The following PDE3A variants were observed in gnomAD, a reference collection of about 807,000 sequenced individuals.
The protein encoded by PDE3A is phosphodiesterase 3A.
A neutral mutation model predicts 98.3 loss-of-function variants in PDE3A; 43 were observed. That is an observed-to-expected ratio of 0.44 (90% confidence interval 0.34 to 0.56). PDE3A has a LOEUF of 0.56. PDE3A is among the 20% of genes least tolerant of loss of function. PDE3A has a pLI of 0.01. For missense variants in PDE3A, 1,427 were observed against 1,440.7 expected (o/e 0.99, Z 0.15); for synonymous variants, 663 against 567.9 (o/e 1.17, Z -2.38).
At chr12:20,526,942 A>C (rs1387124078) in intron 1 of PDE3A, among the ~76,000 whole-genome samples, 3 of 140,358 alleles carry the variant, frequency 2.1e-5, no homozygotes, top group African/African-American at 8.0e-5. Flanking sequence ...GTTTGAGACC[A>C]AGTCTCACTC....
chr12:20,379,855 G>A (rs1443225335), intron 1 of PDE3A, among the ~76,000 whole-genome samples: 1 of 151,488 alleles, frequency 6.6e-6, no homozygotes, highest in South Asian at 2.1e-4. Context: ...GCCCTTACTG[G>A]TAGGAAATCC....
intron 1 of PDE3A, among the ~76,000 whole-genome samples, chr12:20,474,830 C>T (rs1034014942): frequency 2.0e-5 from 3 of 152,190 alleles, no homozygotes; most frequent in African/African-American, 7.2e-5. Flanking sequence ...ATCTCCCTAT[C>T]TCAAAATCCT....
intron 2 of PDE3A, among the ~76,000 whole-genome samples, chr12:20,564,135 C>T (rs183817648): frequency 1.6e-3 from 243 of 152,126 alleles, no homozygotes; most frequent in African/African-American, 5.7e-3. Context: ...TCTTTAACAA[C>T]TGAACCCACT....
At position 20,688,254 on chromosome 12, in the gene PDE3A, T is replaced by A. The variant is rs1056343252; in HGVS notation, c.*7983T>A. ...AATAAATCTTGTCCTTTCACCTATA[T>A]CTTCCATTTAATATATGTAGCAATA... On this transcript the variant is annotated 3_prime_UTR_variant, in exon 16 of 16. Coordinates refer to ENST00000359062, the MANE Select transcript of PDE3A (RefSeq NM_000921.5). 3.9e-5 allele frequency among the ~76,000 whole-genome samples: 6 copies of A among 151,992 alleles called. No individual in the cohort carries two copies. The highest frequency in any genetic ancestry group is 1.2e-4 in the African/African-American group (5 of 41,426).
chr12:20,515,185 C>T (rs577511906), intron 1 of PDE3A, among the ~76,000 whole-genome samples: 2 of 152,274 alleles, frequency 1.3e-5, no homozygotes, highest in Admixed American at 6.5e-5. Flanking sequence ...TTGAAGGGGA[C>T]AGATACTCAA....
At chr12:20,603,636 T>C (rs767413386) in intron 2 of PDE3A, among the ~76,000 whole-genome samples, 8 of 152,140 alleles carry the variant, frequency 5.3e-5, no homozygotes, top group Non-Finnish European at 1.0e-4. Context: ...ACTGGCCCAG[T>C]TCATGTAGGG....
intron 1 of PDE3A, among the ~76,000 whole-genome samples, chr12:20,448,752 G>GTTT (rs34848615): frequency 2.5e-4 from 34 of 138,558 alleles, no homozygotes; most frequent in Admixed American, 7.3e-4. Flanking sequence ...TTATTTTAAG[G>GTTT]TTTTTTTTTT....
intron 2 of PDE3A, among the ~76,000 whole-genome samples, chr12:20,576,822 G>GT (rs1942942409): frequency 6.6e-6 from 1 of 151,976 alleles, no homozygotes; most frequent in South Asian, 2.1e-4. Context: ...TTGGCTTCTC[G>GT]TTTTTTAAAT....
At chr12:20,588,665 C>T (rs1267034790) in intron 2 of PDE3A, among the ~76,000 whole-genome samples, 2 of 151,992 alleles carry the variant, frequency 1.3e-5, no homozygotes, top group African/African-American at 4.8e-5. Flanking sequence ...ACCATTTTGC[C>T]CCATGCTGCC....
At chr12:20,551,527 G>A in intron 1 of PDE3A, 3 of 1,175,686 alleles carry the variant, frequency 2.6e-6, no homozygotes, top group South Asian at 1.5e-5. Flanking sequence ...TTCCGATAAC[G>A]AACGAGACTC....
At chr12:20,381,588 C>A (rs2120546158) in intron 1 of PDE3A, among the ~76,000 whole-genome samples, 1 of 151,968 alleles carries the variant, frequency 6.6e-6, no homozygotes, top group Admixed American at 6.6e-5. Flanking sequence ...GGACGATGGT[C>A]TGTGTAAGAG....
chr12:20,400,520 C>T (rs1386709220), intron 1 of PDE3A, among the ~76,000 whole-genome samples: 2 of 151,248 alleles, frequency 1.3e-5, no homozygotes, highest in African/African-American at 2.4e-5. Context: ...CATTCTCCTG[C>T]CTCAGCCTCC....
intron 1 of PDE3A, among the ~76,000 whole-genome samples, chr12:20,539,294 A>G (rs1189878526): frequency 1.3e-5 from 2 of 152,124 alleles, no homozygotes; most frequent in Non-Finnish European, 2.9e-5. Flanking sequence ...AATTTTATAC[A>G]TTTTTTAAAT....
intron 1 of PDE3A, among the ~76,000 whole-genome samples, chr12:20,452,591 C>G (rs190622667): frequency 2.1e-3 from 327 of 152,330 alleles, no homozygotes; most frequent in Admixed American, 3.7e-3. Context: ...CTTGACAAAA[C>G]CTCTAATGAA....
intron 2 of PDE3A, among the ~76,000 whole-genome samples, chr12:20,558,677 A>G (rs918191841): frequency 2.7e-5 from 4 of 146,990 alleles, no homozygotes; most frequent in African/African-American, 1.0e-4. Flanking sequence ...TCTGATTTCA[A>G]TTCCCTGCTG....
At chr12:20,604,603 A>C (rs1943669107) in intron 2 of PDE3A, among the ~76,000 whole-genome samples, 1 of 152,230 alleles carries the variant, frequency 6.6e-6, no homozygotes. Context: ...AAGGGAAAGA[A>C]AATATTGAGT....
rs1168139544 is a variant in PDE3A at position 20,680,124 on chromosome 12, G to A, written c.3279G>A (p.Glu1093=). ...TGTGGAAGAAAGTCATTGAAGAGGA[G>A]CAACGGTTGGCAGGCATAGAAAATC... ...HKMWKKVIEE[E]QRLAGIENQS... is the part of the protein sequence containing the mutation. The change falls in exon 16 of 16, where the codon GAG becomes GAA. Residue 1093 remains glutamate, a synonymous_variant. Transcript: ENST00000359062. 1.9e-6 allele frequency: 3 copies of A among 1,613,576 alleles called. No individual in the cohort carries two copies. The highest frequency in any genetic ancestry group is 2.5e-6 in the Non-Finnish European group (3 of 1,179,712).
chr12:20,442,863 T>C (rs1416925349), intron 1 of PDE3A, among the ~76,000 whole-genome samples: 1 of 152,172 alleles, frequency 6.6e-6, no homozygotes, highest in Non-Finnish European at 1.5e-5. Flanking sequence ...AAAAATGTGT[T>C]AAAACTATAT....
chr12:20,617,361 A>G (rs1052757507), intron 4 of PDE3A, among the ~76,000 whole-genome samples: 4 of 152,138 alleles, frequency 2.6e-5, no homozygotes, highest in African/African-American at 7.2e-5. Context: ...TAAGACATCT[A>G]TAGAATTGGA....
Sources: gnomAD v4.1 joint callset for allele counts (sites outside exome capture counted in the v4.1 genomes callset) on GRCh38, gnomAD v4.1.1 for gene constraint, MANE v1.5 for transcripts, NCBI Gene and HGNC (gene_info 2026-07-23, HGNC 2026-07-21) for gene names.